The following FSTL1 variants were observed in gnomAD, a reference collection of about 807,000 sequenced individuals.
The protein encoded by FSTL1 is follistatin-related protein 1.
Under a neutral mutation model 45.9 loss-of-function variants are expected in FSTL1, and 24 were observed. The ratio of observed to expected loss-of-function variants is 0.52; its 90% confidence interval spans 0.38 to 0.74. FSTL1 has a LOEUF of 0.74. Among genes scored for constraint, FSTL1 ranks in the 30% least tolerant of loss-of-function variants. The pLI is 0.00. For missense variants in FSTL1, 340 were observed against 381.8 expected, an observed-to-expected ratio of 0.89 and a Z score of 0.91; for synonymous variants, 120 against 137.6, an observed-to-expected ratio of 0.87 and a Z score of 0.89.
intron 2 of FSTL1, among the ~76,000 whole-genome samples, chr3:120,433,924 G>A (rs1937515109): frequency 6.6e-6 from 1 of 152,214 alleles, no homozygotes. Flanking sequence ...CTGGCAAGGG[G>A]TAGAGCATGT....
At chr3:120,437,012 G>A (rs371249865) in intron 2 of FSTL1, among the ~76,000 whole-genome samples, 17 of 152,022 alleles carry the variant, frequency 1.1e-4, no homozygotes, top group African/African-American at 3.9e-4. Context: ...TGCTCAGGGT[G>A]AGCATCTGTA....
Position 120,409,612 on chromosome 3 carries a change from A to T in FSTL1, c.382T>A (p.Trp128Arg). 3.1e-6 allele frequency: 5 copies of T among 1,613,740 alleles called. No individual in the cohort carries two copies. The highest frequency in any genetic ancestry group is 1.3e-5 in the African/African-American group (1 of 75,054). The change falls in exon 6 of 11, where the codon TGG becomes AGG. Residue 128 changes from tryptophan (W) to arginine (R), a missense_variant. Physicochemically the swap from Trp to Arg is moderately radical, Grantham distance 101 (BLOSUM62 -3). Coordinates refer to ENST00000295633, the MANE Select transcript of FSTL1 (RefSeq NM_007085.5). Reference sequence around the variant, plus strand: ...TCTGGAATGATCTCAGCTTCCAGCCACTGGATGATGCGACGTCGGAGCTCA... The same window carrying T: ...TCTGGAATGATCTCAGCTTCCAGCCTCTGGATGATGCGACGTCGGAGCTCA... ...RDELRRRIIQ[W>R]LEAEIIPDGW...
intron 2 of FSTL1, among the ~76,000 whole-genome samples, chr3:120,442,346 G>C (rs764320867): frequency 3.4e-4 from 52 of 152,018 alleles, no homozygotes; most frequent in Non-Finnish European, 1.6e-4. Flanking sequence ...GCTCTTAACT[G>C]AAGATACAAG....
At chr3:120,428,289 A>G (rs1483631441) in intron 2 of FSTL1, among the ~76,000 whole-genome samples, 1 of 152,206 alleles carries the variant, frequency 6.6e-6, no homozygotes, top group African/African-American at 2.4e-5. Flanking sequence ...TGGATTGGGC[A>G]CATTAGTAAG....
intron 2 of FSTL1, among the ~76,000 whole-genome samples, chr3:120,417,857 AT>A: frequency 6.6e-6 from 1 of 152,332 alleles, no homozygotes; most frequent in South Asian, 2.1e-4. Flanking sequence ...TTAACTAGTA[AT>A]TTTCATTCTT....
intron 2 of FSTL1, among the ~76,000 whole-genome samples, chr3:120,432,545 C>A (rs1229865710): frequency 6.6e-6 from 1 of 152,070 alleles, no homozygotes. Context: ...TTCTGTTTTT[C>A]CCCAAGGACT....
chr3:120,433,339 G>A lies in FSTL1; in HGVS notation c.64-17312C>T, dbSNP rs535174365. Among the ~76,000 whole-genome samples, 9 of 152,284 alleles carry A rather than the reference G, an allele frequency of 5.9e-5. No homozygotes were observed. In the East Asian group the frequency reaches 1.7e-3, roughly 29 times the overall value. ...GTCCAAGATTAAGCAAACTGTTGAC[G>A]GGCAAGTGCTGTCAACCATCTTCCC... On this transcript the variant is annotated intron_variant, in intron 2 of 10. Coordinates refer to ENST00000295633, the MANE Select transcript of FSTL1 (RefSeq NM_007085.5).
intron 2 of FSTL1, among the ~76,000 whole-genome samples, chr3:120,446,898 A>G (rs1212419679): frequency 6.6e-6 from 1 of 152,214 alleles, no homozygotes; most frequent in Non-Finnish European, 1.5e-5. Context: ...CTCAAAGTTC[A>G]TGGGTCAAGC....
chr3:120,396,577 G>A lies in FSTL1; in HGVS notation c.*375C>T, dbSNP rs1282098006. 2 of 187,560 alleles carry A rather than the reference G, an allele frequency of 1.1e-5. No individual in the cohort carries two copies. Among genetic ancestry groups the A allele is most frequent in the East Asian group, 2.9e-4 (2 of 6,820 alleles). The allele number at this position is 187,560 out of a possible 1,614,324, so 11.6% of individuals were successfully genotyped here. A position where few individuals can be genotyped will look rare whatever the true frequency, so the allele number is the denominator to read the frequency against. The stretch of plus-strand genomic sequence containing the variant: ...GGAGCTTCCCAAACCTCTCCTCCGG[G>A]GACACCCTGCTAAGTTCTCTCTGGC... On this transcript the variant is annotated 3_prime_UTR_variant, in exon 11 of 11. Coordinates refer to ENST00000295633, the MANE Select transcript of FSTL1 (RefSeq NM_007085.5).
At position 120,403,153 on chromosome 3, in the gene FSTL1, C is replaced by T; in HGVS notation, c.694+89G>A. On this transcript the variant is annotated intron_variant, in intron 8 of 10. Transcript: ENST00000295633. Reference sequence around the variant, plus strand: ...CATGGAAGGGGATTTTCTCAGCTAGCTCTGGAGAGTTCCACCAATCCTCTC... The same window carrying T: ...CATGGAAGGGGATTTTCTCAGCTAGTTCTGGAGAGTTCCACCAATCCTCTC... 3.6e-6 allele frequency: 3 copies of T among 822,308 alleles called. No individual in the cohort carries two copies. In the South Asian group the frequency reaches 4.3e-5, roughly 12 times the overall value. The allele number at this position is 822,308 out of a possible 1,614,324, so 50.9% of individuals were successfully genotyped here. A position where few individuals can be genotyped will look rare whatever the true frequency, so the allele number is the denominator to read the frequency against.
chr3:120,396,564 A>T lies in FSTL1; in HGVS notation c.*388T>A. 1 of 176,562 alleles carries T rather than the reference A, an allele frequency of 5.7e-6. No individual in the cohort carries two copies. Among genetic ancestry groups the T allele is most frequent in the Non-Finnish European group, 1.2e-5 (1 of 83,716 alleles). The allele number at this position is 176,562 out of a possible 1,614,324, so 10.9% of individuals were successfully genotyped here. ...CGTTCCTCTCCGTGGAGCTTCCCAAACCTCTCCTCCGGGGACACCCTGCTA... is the reference window on the plus strand; with the variant it reads ...CGTTCCTCTCCGTGGAGCTTCCCAATCCTCTCCTCCGGGGACACCCTGCTA... On this transcript the variant is annotated 3_prime_UTR_variant, in exon 11 of 11. Coordinates refer to ENST00000295633, the MANE Select transcript of FSTL1 (RefSeq NM_007085.5).
intron 2 of FSTL1, among the ~76,000 whole-genome samples, chr3:120,429,105 C>T (rs546882892): frequency 2.0e-5 from 3 of 152,222 alleles, no homozygotes; most frequent in Non-Finnish European, 4.4e-5. Context: ...GCTGGCTCCT[C>T]CAGCTTGCCC....
chr3:120,444,684 A>C (rs758392419), intron 2 of FSTL1, among the ~76,000 whole-genome samples: 4 of 149,988 alleles, frequency 2.7e-5, no homozygotes, highest in Non-Finnish European at 5.9e-5. Flanking sequence ...ATAAAATATG[A>C]AAATAAAATA....
At chr3:120,426,837 T>C (rs1226842624) in intron 2 of FSTL1, among the ~76,000 whole-genome samples, 1 of 152,170 alleles carries the variant, frequency 6.6e-6, no homozygotes, top group Admixed American at 6.5e-5. Context: ...TCATTGTTCA[T>C]GTAGCCTCGA....
At chr3:120,409,450 TG>T in intron 6 of FSTL1, 81 bp downstream of exon 6, 1 of 1,228,750 alleles carries the variant, frequency 8.1e-7, no homozygotes, top group Non-Finnish European at 1.2e-6. Flanking sequence ...TCCTGTGGTC[TG>T]GGAAGGTGTG....
intron 2 of FSTL1, among the ~76,000 whole-genome samples, chr3:120,438,763 T>C (rs184086523): frequency 1.3e-5 from 2 of 152,280 alleles, no homozygotes; most frequent in Admixed American, 1.3e-4. Flanking sequence ...CTGTCTGTCC[T>C]GAGTTATTCA....
intron 2 of FSTL1, among the ~76,000 whole-genome samples, chr3:120,446,584 C>G (rs933908448): frequency 2.6e-5 from 4 of 152,156 alleles, no homozygotes; most frequent in Admixed American, 1.3e-4. Context: ...GATAAACAAG[C>G]AAGAGATCAT....
In FSTL1 at chr3:120,409,559, G is replaced by A. The variant is rs1002607178; in HGVS notation, c.435C>T (p.Tyr145=). ...PDGWFSKGSN[Y]SEILDKYFKN... ...TAAAATACTTGTCTAGGATTTCACT[G>A]TAGTTGCTGCCTTTAGAGAACCAGC... Residue 145 remains tyrosine (Y), a synonymous_variant, in exon 6 of 11, where the codon TAC becomes TAT. Coordinates refer to ENST00000295633, the MANE Select transcript of FSTL1 (RefSeq NM_007085.5). 3 of 1,613,782 alleles carry A rather than the reference G, an allele frequency of 1.9e-6. No individual in the cohort carries two copies. Among genetic ancestry groups the A allele is most frequent in the African/African-American group, 1.3e-5 (1 of 74,916 alleles).
At chr3:120,410,843 G>A in intron 5 of FSTL1, 109 bp downstream of exon 5, 1 of 886,240 alleles carries the variant, frequency 1.1e-6, no homozygotes, top group South Asian at 1.3e-5. Flanking sequence ...ACACAATTCT[G>A]ATGCATAGAA....
Sources: gnomAD v4.1 joint callset for allele counts (sites outside exome capture counted in the v4.1 genomes callset) on GRCh38, gnomAD v4.1.1 for gene constraint, MANE v1.5 for transcripts, NCBI Gene and HGNC (gene_info 2026-07-23, HGNC 2026-07-21) for gene names.